The following LRRC20 variants were observed in gnomAD, a reference collection of about 807,000 sequenced individuals.
The protein encoded by LRRC20 is leucine rich repeat containing 20.
LRRC20 carries 11 observed loss-of-function variants against 14.4 expected under a neutral mutation model. That is an observed-to-expected ratio of 0.77 (90% CI 0.48 to 1.27). The LOEUF (loss-of-function observed/expected upper bound fraction) is 1.27. Ranked by LOEUF, LRRC20 falls within the 50% of genes most tolerant of loss-of-function variation. The probability of loss-of-function intolerance (pLI) is 0.00; values close to 1 mark genes in which losing one functional copy is unlikely to be tolerated. For missense variants in LRRC20, 219 were observed against 251.2 expected, an observed-to-expected ratio of 0.87 and a Z score of 0.87; for synonymous variants, 121 against 107.3, an observed-to-expected ratio of 1.13 and a Z score of -0.79.
intron 2 of LRRC20, among the ~76,000 whole-genome samples, chr10:70,361,063 A>G (rs867131498): frequency 5.7e-4 from 87 of 151,364 alleles, no homozygotes; most frequent in Middle Eastern, 3.4e-3. Context: ...AAAAAAAAAA[A>G]AGAGAGAGAG....
chr10:70,304,192 C>T (rs1371502246), intron 4 of LRRC20, among the ~76,000 whole-genome samples: 11 of 152,096 alleles, frequency 7.2e-5, no homozygotes, highest in South Asian at 2.1e-4. Flanking sequence ...CGCTCTTCCC[C>T]GATCCAATTC....
chr10:70,354,272 T>C (rs1186000763), intron 2 of LRRC20, among the ~76,000 whole-genome samples: 1 of 152,086 alleles, frequency 6.6e-6, no homozygotes, highest in Non-Finnish European at 1.5e-5. Context: ...AGGTGAACTC[T>C]GCACCATACC....
chr10:70,323,152 G>A (rs1842158071), intron 4 of LRRC20, among the ~76,000 whole-genome samples: 1 of 152,070 alleles, frequency 6.6e-6, no homozygotes, highest in Admixed American at 6.5e-5. Flanking sequence ...GGGTGCTGCG[G>A]AGGGGAGGGC....
rs111268375 is a variant in LRRC20, at chr10:70,323,826, G to T, written c.400+37C>A. On this transcript the variant is annotated intron_variant, in intron 4 of 4. Coordinates refer to ENST00000446961, the MANE Select transcript of LRRC20 (RefSeq NM_001278212.2). ...GTCCTGTGGCCCATGAGCGCCTCGTGCAGCAGCCCAGGGCCAGGTGGGCCA... is the reference window on the plus strand; with the variant it reads ...GTCCTGTGGCCCATGAGCGCCTCGTTCAGCAGCCCAGGGCCAGGTGGGCCA... 1.9e-6 allele frequency: 3 copies of T among 1,610,964 alleles called. No individual in the cohort carries two copies. In the African/African-American group the frequency reaches 4.0e-5, roughly 21 times the overall value.
intron 2 of LRRC20, among the ~76,000 whole-genome samples, chr10:70,354,222 G>C (rs1843440014): frequency 6.6e-6 from 1 of 152,122 alleles, no homozygotes; most frequent in Admixed American, 6.6e-5. Flanking sequence ...GGGAATGGAA[G>C]GGAGGGTAAA....
chr10:70,347,505 C>G (rs769191297), intron 2 of LRRC20, among the ~76,000 whole-genome samples: 3 of 152,090 alleles, frequency 2.0e-5, no homozygotes, highest in Non-Finnish European at 4.4e-5. Context: ...CACCACCCAC[C>G]CTTCCAGTCT....
intron 3 of LRRC20, among the ~76,000 whole-genome samples, chr10:70,327,915 G>A (rs904544794): frequency 1.3e-5 from 2 of 152,112 alleles, no homozygotes; most frequent in Non-Finnish European, 2.9e-5. Flanking sequence ...AGCAGGCCAC[G>A]CTGGCACCTC....
intron 1 of LRRC20, among the ~76,000 whole-genome samples, chr10:70,378,930 G>C (rs1181991104): frequency 6.6e-6 from 1 of 152,114 alleles, no homozygotes; most frequent in African/African-American, 2.4e-5. Context: ...TGGGTGACAA[G>C]AGCAAAGCTC....
At chr10:70,381,066 A>T (rs1372212379) in intron 1 of LRRC20, among the ~76,000 whole-genome samples, 1 of 152,238 alleles carries the variant, frequency 6.6e-6, no homozygotes, top group Non-Finnish European at 1.5e-5. Context: ...CAGCCCTCTT[A>T]CAAGGCTGTC....
chr10:70,372,267 A>G (rs1365818586), intron 2 of LRRC20, among the ~76,000 whole-genome samples: 1 of 152,154 alleles, frequency 6.6e-6, no homozygotes, highest in Non-Finnish European at 1.5e-5. Context: ...TAGAACATTT[A>G]GAAAATGCAA....
At chr10:70,337,681 G>A (rs1351655049) in intron 3 of LRRC20, among the ~76,000 whole-genome samples, 1 of 152,118 alleles carries the variant, frequency 6.6e-6, no homozygotes, top group Non-Finnish European at 1.5e-5. Context: ...CCCTTCCCAT[G>A]CCACTCTCAG....
intron 2 of LRRC20, among the ~76,000 whole-genome samples, chr10:70,344,947 G>A (rs910160964): frequency 3.9e-5 from 6 of 152,022 alleles, no homozygotes; most frequent in Admixed American, 1.3e-4. Flanking sequence ...TTGAAACACC[G>A]GTTTTTTAAA....
At chr10:70,353,311 A>G (rs1843389265) in intron 2 of LRRC20, among the ~76,000 whole-genome samples, 1 of 152,094 alleles carries the variant, frequency 6.6e-6, no homozygotes, top group Non-Finnish European at 1.5e-5. Flanking sequence ...ATAATAAAAA[A>G]CATTTACAAA....
At chr10:70,347,711 T>TG (rs1174337227) in intron 2 of LRRC20, among the ~76,000 whole-genome samples, 3 of 148,914 alleles carry the variant, frequency 2.0e-5, no homozygotes, top group Admixed American at 6.7e-5. Flanking sequence ...CCCAGCTACT[T>TG]GGGGGGCTGA....
At chr10:70,360,824 T>C (rs2137101578) in intron 2 of LRRC20, among the ~76,000 whole-genome samples, 1 of 152,212 alleles carries the variant, frequency 6.6e-6, no homozygotes, top group Non-Finnish European at 1.5e-5. Flanking sequence ...GTCTCACTCT[T>C]CCTAGCAGGG....
chr10:70,372,511 A>G (rs10733863), intron 2 of LRRC20, among the ~76,000 whole-genome samples: 116,961 of 148,162 alleles, frequency 0.79, 46,293 homozygotes, highest in Admixed American at 0.81. Flanking sequence ...GCGCAATCTC[A>G]GCTCACTGCA....
At chr10:70,367,348 G>GAAAAGAAAAAGA (rs71009295) in intron 2 of LRRC20, among the ~76,000 whole-genome samples, 111 of 137,538 alleles carry the variant, frequency 8.1e-4, no homozygotes, top group South Asian at 1.8e-3. Context: ...AAAAAAGAAA[G>GAAAAGAAAAAGA]AAAAGAAAAA....
chr10:70,364,799 CACAGCTCCCAGCCTA>C (rs1843909628), intron 2 of LRRC20, among the ~76,000 whole-genome samples: 1 of 152,144 alleles, frequency 6.6e-6, no homozygotes, highest in Admixed American at 6.5e-5. Context: ...TGTTTGATTC[CACAGCTCCCAGCCTA>C]GCTGCTCAGG....
At chr10:70,307,743 G>A (rs184646127) in intron 4 of LRRC20, among the ~76,000 whole-genome samples, 13 of 152,356 alleles carry the variant, frequency 8.5e-5, no homozygotes, top group African/African-American at 2.6e-4. Context: ...AGAAGGATAC[G>A]CCCGGCTTTC....
Sources: allele counts gnomAD v4.1 joint callset (sites outside exome capture counted in the v4.1 genomes callset), GRCh38; gene constraint gnomAD v4.1.1; transcripts MANE v1.5; gene names NCBI Gene and HGNC (gene_info 2026-07-23, HGNC 2026-07-21).